Variants in PCP4L1 observed in about 807,000 individuals in gnomAD.
PCP4L1 encodes Purkinje cell protein 4 like 1.
PCP4L1 carries 9 observed loss-of-function variants against 9.6 expected under a neutral mutation model. That is an observed-to-expected ratio of 0.94 (90% CI 0.57 to 1.64). The LOEUF (loss-of-function observed/expected upper bound fraction) is 1.64. Ranked by LOEUF, PCP4L1 falls within the 40% of genes most tolerant of loss-of-function variation. The probability of loss-of-function intolerance (pLI) is 0.00; values close to 1 mark genes in which losing one functional copy is unlikely to be tolerated. For synonymous variants in PCP4L1, 31 were observed against 28.2 expected, an observed-to-expected ratio of 1.10 and a Z score of -0.31; for missense variants, 81 against 80.8, an observed-to-expected ratio of 1.00 and a Z score of -0.01.
At chr1:161,280,006 T>C (rs780695438) in intron 1 of PCP4L1, among the ~76,000 whole-genome samples, 19 of 152,198 alleles carry the variant, frequency 1.2e-4, no homozygotes, top group Non-Finnish European at 2.8e-4. Context: ...GGAAAAAGCA[T>C]AGACATCAGC....
intron 1 of PCP4L1, 84 bp downstream of exon 1, chr1:161,259,067 A>T (rs1175471031): frequency 6.7e-7 from 1 of 1,501,448 alleles, no homozygotes; most frequent in Non-Finnish European, 8.9e-7. Flanking sequence ...GGCGAGGGAG[A>T]GCGAGGCAGA....
At chr1:161,270,280 G>A (rs1208301004) in intron 1 of PCP4L1, among the ~76,000 whole-genome samples, 1 of 151,966 alleles carries the variant, frequency 6.6e-6, no homozygotes, top group Admixed American at 6.6e-5. Context: ...CTGGGCAACG[G>A]AGAGAGACTC....
chr1:161,263,384 C>T (rs959075424), intron 1 of PCP4L1, among the ~76,000 whole-genome samples: 1 of 151,294 alleles, frequency 6.6e-6, no homozygotes, highest in Non-Finnish European at 1.5e-5. Flanking sequence ...ATTACAGGCA[C>T]TCGCCACCAC....
chr1:161,284,533 C>T lies in PCP4L1; in HGVS notation c.*52C>T. 2 of 1,583,658 alleles carry T rather than the reference C, an allele frequency of 1.3e-6. No homozygotes were observed. Among genetic ancestry groups the T allele is most frequent in the Non-Finnish European group, 1.7e-6 (2 of 1,164,184 alleles). Reference sequence around the variant, plus strand: ...CCTTCATGCTGGTCCCTTCTCTCCCCTTCTCCACACCCATGTATCTTTATC... The same window carrying T: ...CCTTCATGCTGGTCCCTTCTCTCCCTTTCTCCACACCCATGTATCTTTATC... On this transcript the variant is annotated 3_prime_UTR_variant, in exon 3 of 3. Coordinates refer to ENST00000504449, the MANE Select transcript of PCP4L1 (RefSeq NM_001102566.2).
At chr1:161,262,476 G>A (rs2102230450) in intron 1 of PCP4L1, among the ~76,000 whole-genome samples, 2 of 151,576 alleles carry the variant, frequency 1.3e-5, no homozygotes, top group Middle Eastern at 6.8e-3. Flanking sequence ...TCTACCTCTG[G>A]AAACATCTGC....
At chr1:161,270,890 A>AG (rs1669614797) in intron 1 of PCP4L1, among the ~76,000 whole-genome samples, 1 of 151,326 alleles carries the variant, frequency 6.6e-6, no homozygotes, top group South Asian at 2.1e-4. Flanking sequence ...AAAAAAAAAA[A>AG]AGAGACCCCA....
At chr1:161,279,725 C>T (rs1413546079) in intron 1 of PCP4L1, among the ~76,000 whole-genome samples, 1 of 152,190 alleles carries the variant, frequency 6.6e-6, no homozygotes, top group African/African-American at 2.4e-5. Context: ...TAAACAGACT[C>T]CAAAAGTACC....
At chr1:161,274,492 A>C (rs944753994) in intron 1 of PCP4L1, among the ~76,000 whole-genome samples, 1 of 152,164 alleles carries the variant, frequency 6.6e-6, no homozygotes, top group African/African-American at 2.4e-5. Flanking sequence ...TGCAGGTATG[A>C]GTTTTTGTGA....
rs1019590572 is a variant in PCP4L1 at position 161,258,895 on chromosome 1, A to G, written c.-80A>G. The G allele has an allele frequency of 6.7e-5, 102 of 1,532,050 alleles. No homozygotes were observed. In the Middle Eastern group the frequency reaches 1.8e-3, roughly 28 times the overall value. The allele number at this position is 1,532,050 out of a possible 1,614,324, so 94.9% of individuals were successfully genotyped here. On this transcript the variant is annotated 5_prime_UTR_variant, in exon 1 of 3. Coordinates refer to ENST00000504449, the MANE Select transcript of PCP4L1 (RefSeq NM_001102566.2). ...CCTGCCGCAGAGCCCGGCAACTTTCAGCTGTCGCCCGCGGAGCCCCGAGGG... is the reference window on the plus strand; with the variant it reads ...CCTGCCGCAGAGCCCGGCAACTTTCGGCTGTCGCCCGCGGAGCCCCGAGGG...
At chr1:161,268,780 C>A (rs1450617166) in intron 1 of PCP4L1, among the ~76,000 whole-genome samples, 1 of 152,168 alleles carries the variant, frequency 6.6e-6, no homozygotes, top group East Asian at 1.9e-4. Flanking sequence ...AACTCCTAAC[C>A]TCAAATGATC....
At chr1:161,264,022 G>A (rs561132825) in intron 1 of PCP4L1, among the ~76,000 whole-genome samples, 12 of 142,692 alleles carry the variant, frequency 8.4e-5, no homozygotes, top group Non-Finnish European at 1.5e-4. Context: ...TGATTCTCCT[G>A]CCTCAGCCTC....
intron 1 of PCP4L1, among the ~76,000 whole-genome samples, chr1:161,261,858 A>G (rs1213528556): frequency 6.6e-6 from 1 of 152,114 alleles, no homozygotes; most frequent in African/African-American, 2.4e-5. Flanking sequence ...GTGCTCCTTC[A>G]TTATCCTGTT....
intron 1 of PCP4L1, among the ~76,000 whole-genome samples, chr1:161,270,331 C>A (rs938249892): frequency 6.6e-6 from 1 of 151,882 alleles, no homozygotes; most frequent in African/African-American, 2.4e-5. Flanking sequence ...AAAAGAATTT[C>A]ATCTTTTATC....
intron 1 of PCP4L1, among the ~76,000 whole-genome samples, chr1:161,259,252 C>G (rs1195314468): frequency 6.6e-6 from 1 of 152,124 alleles, no homozygotes; most frequent in Non-Finnish European, 1.5e-5. Context: ...ATGCTGAGCT[C>G]TCAGGTGGTA....
chr1:161,272,427 G>A (rs924189342), intron 1 of PCP4L1, among the ~76,000 whole-genome samples: 1 of 151,500 alleles, frequency 6.6e-6, no homozygotes, highest in Admixed American at 6.6e-5. Context: ...GCATGGTGGT[G>A]GGCACCTGTA....
At chr1:161,267,262 A>G (rs1182129030) in intron 1 of PCP4L1, among the ~76,000 whole-genome samples, 1 of 152,204 alleles carries the variant, frequency 6.6e-6, no homozygotes, top group Non-Finnish European at 1.5e-5. Context: ...TCTGGCAGTA[A>G]GTACCAAAAT....
intron 1 of PCP4L1, among the ~76,000 whole-genome samples, chr1:161,277,775 T>G (rs1344553293): frequency 6.6e-6 from 1 of 152,196 alleles, no homozygotes; most frequent in Non-Finnish European, 1.5e-5. Flanking sequence ...CTCTCTTACT[T>G]TCTTAGATAA....
chr1:161,273,237 C>T (rs562126102), intron 1 of PCP4L1, among the ~76,000 whole-genome samples: 1 of 152,226 alleles, frequency 6.6e-6, no homozygotes, highest in South Asian at 2.1e-4. Flanking sequence ...AACTAAAACC[C>T]TCTAGGGAAA....
chr1:161,267,253 C>A lies in PCP4L1; in HGVS notation c.9+8270C>A, dbSNP rs1172232796. 2.0e-5 allele frequency among the ~76,000 whole-genome samples: 3 copies of A among 152,204 alleles called. No homozygotes were observed. The East Asian group carries it at 5.8e-4, about 29-fold the overall frequency. ...TGTGTATTCATCCAAACTAAGTATT[C>A]TGGCAGTAAGTACCAAAATGTGTTT... On this transcript the variant is annotated intron_variant, in intron 1 of 2. Coordinates refer to ENST00000504449, the MANE Select transcript of PCP4L1 (RefSeq NM_001102566.2).
Sources: gnomAD v4.1 joint callset for allele counts (sites outside exome capture counted in the v4.1 genomes callset) on GRCh38, gnomAD v4.1.1 for gene constraint, MANE v1.5 for transcripts, NCBI Gene and HGNC (gene_info 2026-07-23, HGNC 2026-07-21) for gene names.